Variants in PDE1C observed in about 807,000 individuals in gnomAD.
The protein encoded by PDE1C is phosphodiesterase 1C, also known as dual specificity calcium/calmodulin-dependent 3',5'-cyclic nucleotide phosphodiesterase 1C.
In PDE1C, 62 loss-of-function variants were observed where a neutral mutation model predicts 93.1. The ratio of observed to expected loss-of-function variants is 0.67; its 90% CI spans 0.54 to 0.82. The LOEUF (loss-of-function observed/expected upper bound fraction) is 0.82, where lower values mean the gene tolerates loss of function less well. Ranked by LOEUF, PDE1C falls within the 40% of genes least tolerant of loss-of-function variation. The probability of loss-of-function intolerance (pLI) is 0.00; values close to 1 mark genes in which losing one functional copy is unlikely to be tolerated. For missense variants in PDE1C, 742 were observed against 884.6 expected, an observed-to-expected ratio of 0.84 and a Z score of 2.04; for synonymous variants, 325 against 310.1, an observed-to-expected ratio of 1.05 and a Z score of -0.50.
intron 1 of PDE1C, among the ~76,000 whole-genome samples, chr7:32,270,436 A>C (rs1024926464): frequency 6.6e-6 from 1 of 152,178 alleles, no homozygotes; most frequent in Non-Finnish European, 1.5e-5. Context: ...CAAGAATAGA[A>C]AAATATAAAA....
At chr7:31,963,924 A>C (rs1289203884) in intron 2 of PDE1C, among the ~76,000 whole-genome samples, 3 of 152,252 alleles carry the variant, frequency 2.0e-5, no homozygotes, top group Non-Finnish European at 4.4e-5. Flanking sequence ...TAAATACTAA[A>C]TCATGAAGCA....
At chr7:32,297,383 TTTTGGAAGTA>T in intron 1 of PDE1C, among the ~76,000 whole-genome samples, 1 of 152,108 alleles carries the variant, frequency 6.6e-6, no homozygotes, top group Non-Finnish European at 1.5e-5. Context: ...ACCACAGTAC[TTTTGGAAGTA>T]CTTGAGTACT....
At chr7:32,385,403 C>T (rs1468601466) in intron 1 of PDE1C, among the ~76,000 whole-genome samples, 1 of 152,092 alleles carries the variant, frequency 6.6e-6, no homozygotes, top group Non-Finnish European at 1.5e-5. Flanking sequence ...TTCTGGCAGC[C>T]TTTGAAATAC....
At chr7:31,833,623 G>T (rs1002214404) in intron 11 of PDE1C, among the ~76,000 whole-genome samples, 1 of 152,276 alleles carries the variant, frequency 6.6e-6, no homozygotes, top group South Asian at 2.1e-4. Flanking sequence ...TTAGCAAAGA[G>T]ACTGGCAGCA....
rs1799750358 is a variant in PDE1C at position 31,899,762 on chromosome 7, T to C, written c.129-18902A>G. Among the ~76,000 whole-genome samples the C allele has an allele frequency of 2.0e-5, 3 of 152,170 alleles. No homozygotes were observed. The South Asian group carries it at 6.2e-4, about 32-fold the overall frequency. On this transcript the variant is annotated intron_variant, in intron 2 of 17. Coordinates refer to ENST00000396191, the MANE Select transcript of PDE1C (RefSeq NM_001191057.4). ...AATAGCAGATTAATCTATTACCCAGTTCATTTTGCCCAAAGGCTTTCTTTA... is the reference window on the plus strand; with the variant it reads ...AATAGCAGATTAATCTATTACCCAGCTCATTTTGCCCAAAGGCTTTCTTTA...
intron 2 of PDE1C, among the ~76,000 whole-genome samples, chr7:31,978,720 G>A (rs898703789): frequency 9.2e-5 from 14 of 152,286 alleles, no homozygotes; most frequent in African/African-American, 2.6e-4. Context: ...TGTTGGAACT[G>A]TCTTGGAACT....
chr7:31,624,952 AG>A, the PDE1C span, among the ~76,000 whole-genome samples: 3 of 152,252 alleles, frequency 2.0e-5, no homozygotes, highest in Admixed American at 2.0e-4. Context: ...CCCATCAAAA[AG>A]TGGGCAAAGG....
chr7:31,638,816 G>C, the PDE1C span, among the ~76,000 whole-genome samples: 6 of 151,862 alleles, frequency 4.0e-5, no homozygotes, highest in Non-Finnish European at 8.8e-5. Context: ...TTGCTCTGTC[G>C]CCCAGGCTGG....
chr7:32,358,483 G>A (rs1349400), intron 1 of PDE1C, among the ~76,000 whole-genome samples: 4,192 of 152,274 alleles, frequency 0.028, 132 homozygotes, highest in African/African-American at 0.074. Flanking sequence ...GGTAAGGATC[G>A]AATCAGAGCT....
the PDE1C span, among the ~76,000 whole-genome samples, chr7:31,624,215 CA>C: frequency 6.8e-6 from 1 of 146,930 alleles, no homozygotes; most frequent in Admixed American, 6.8e-5. Flanking sequence ...TTTATAGATT[CA>C]ATGCCATCCC....
intron 11 of PDE1C, 49 bp downstream of exon 11, chr7:31,837,131 T>C (rs1200418003): frequency 1.3e-6 from 2 of 1,580,186 alleles, no homozygotes; most frequent in African/African-American, 1.4e-5. Context: ...ATAAAATTCA[T>C]AAAATATCCA....
chr7:31,637,825 G>C, the PDE1C span, among the ~76,000 whole-genome samples: 1 of 152,296 alleles, frequency 6.6e-6, no homozygotes, highest in African/African-American at 2.4e-5. Flanking sequence ...CCTATGTCCT[G>C]AACAGTATTG....
At chr7:32,100,012 C>T (rs907676839) in intron 3 of PDE1C, among the ~76,000 whole-genome samples, 2 of 152,170 alleles carry the variant, frequency 1.3e-5, no homozygotes, top group Non-Finnish European at 2.9e-5. Flanking sequence ...CAACTATCCA[C>T]TGCACTCACA....
chr7:32,136,534 T>C (rs934382050), intron 3 of PDE1C, among the ~76,000 whole-genome samples: 4 of 152,060 alleles, frequency 2.6e-5, no homozygotes, highest in Non-Finnish European at 4.4e-5. Flanking sequence ...GCCCAGAGTG[T>C]CTAGCACATA....
At chr7:31,965,595 G>C (rs1184105008) in intron 2 of PDE1C, among the ~76,000 whole-genome samples, 1 of 152,108 alleles carries the variant, frequency 6.6e-6, no homozygotes, top group African/African-American at 2.4e-5. Context: ...CCAAATTCAG[G>C]AAATACAGAG....
chr7:31,991,244 A>G (rs140951598), intron 2 of PDE1C, among the ~76,000 whole-genome samples: 2 of 152,350 alleles, frequency 1.3e-5, no homozygotes, highest in East Asian at 3.9e-4. Context: ...TCAAAAGCCT[A>G]TTAAACATCT....
chr7:32,258,325 A>G (rs1809953649), intron 1 of PDE1C, among the ~76,000 whole-genome samples: 1 of 152,236 alleles, frequency 6.6e-6, no homozygotes, highest in Admixed American at 6.5e-5. Flanking sequence ...AGCACATTAT[A>G]GGCATTCAAA....
At chr7:32,065,095 T>C (rs2128717629) in intron 1 of PDE1C, among the ~76,000 whole-genome samples, 1 of 146,650 alleles carries the variant, frequency 6.8e-6, no homozygotes, top group Non-Finnish European at 1.5e-5. Flanking sequence ...GGGGAGGTGG[T>C]GAGATTTATC....
At chr7:32,407,446 C>T (rs1006870941) in intron 1 of PDE1C, among the ~76,000 whole-genome samples, 1 of 152,138 alleles carries the variant, frequency 6.6e-6, no homozygotes, top group African/African-American at 2.4e-5. Flanking sequence ...ATTGCACAGG[C>T]CTCTTTGTCA....
Sources: gnomAD v4.1 joint callset for allele counts (sites outside exome capture counted in the v4.1 genomes callset) on GRCh38, gnomAD v4.1.1 for gene constraint, MANE v1.5 for transcripts, NCBI Gene and HGNC (gene_info 2026-07-23, HGNC 2026-07-21) for gene names.